ATPAF1: variants seen among roughly 807,000 people sequenced by gnomAD.
ATPAF1 encodes the protein ATP synthase mitochondrial F1 complex assembly factor 1.
Under a neutral mutation model 43.9 loss-of-function variants are expected in ATPAF1, and 26 were observed. The ratio of observed to expected loss-of-function variants is 0.59; its 90% CI spans 0.43 to 0.82. The LOEUF (loss-of-function observed/expected upper bound fraction) is 0.82, where lower values mean the gene tolerates loss of function less well. ATPAF1 is among the 40% of genes least tolerant of loss of function. ATPAF1 has a pLI of 0.00. For synonymous variants in ATPAF1, 157 were observed against 168.0 expected (o/e 0.93, Z 0.50); for missense variants, 366 against 435.0 (o/e 0.84, Z 1.41).
chr1:46,665,920 T>C, intron 1 of ATPAF1: 2 of 1,324,374 alleles, frequency 1.5e-6, no homozygotes, highest in Admixed American at 3.1e-5. Context: ...GAACACATTG[T>C]TTATGTCAAA....
At chr1:46,661,632 A>G (rs147907494) in intron 2 of ATPAF1, among the ~76,000 whole-genome samples, 5 of 152,224 alleles carry the variant, frequency 3.3e-5, no homozygotes, top group Admixed American at 1.3e-4. Flanking sequence ...ATTTTTACAT[A>G]CCTATTGTTT....
In ATPAF1 at chr1:46,637,039, G is replaced by A. The variant is rs548906168; in HGVS notation, c.793-1069C>T. Among the ~76,000 whole-genome samples the A allele has an allele frequency of 3.0e-4, 45 of 152,324 alleles. 1 individual carries two copies. Among genetic ancestry groups the A allele is most frequent in the Admixed American group, 2.8e-3 (43 of 15,294 alleles). The stretch of plus-strand genomic sequence containing the variant: ...TGAGCCAGAACCACTCAGCTAAGCT[G>A]CTACTACAGAAACTGCGAGGTAATA... On this transcript the variant is annotated intron_variant, in intron 8 of 8. Coordinates refer to ENST00000574428, the Ensembl canonical transcript of ATPAF1.
intron 2 of ATPAF1, among the ~76,000 whole-genome samples, chr1:46,664,228 T>A (rs998993275): frequency 1.1e-4 from 17 of 152,248 alleles, no homozygotes; most frequent in African/African-American, 4.1e-4. Flanking sequence ...TATTTAAGGA[T>A]AATAATGGCT....
At chr1:46,636,669 C>T (rs1675846821) in intron 8 of ATPAF1, among the ~76,000 whole-genome samples, 2 of 151,428 alleles carry the variant, frequency 1.3e-5, no homozygotes. Context: ...GTAGTCCCAG[C>T]TACTCAGGAG....
chr1:46,659,830 A>T (rs1045397587), intron 2 of ATPAF1, among the ~76,000 whole-genome samples: 1 of 152,224 alleles, frequency 6.6e-6, no homozygotes, highest in Non-Finnish European at 1.5e-5. Flanking sequence ...AATGATGGTC[A>T]TAGAACCTGT....
intron 8 of ATPAF1, 21 bp downstream of exon 8, chr1:46,643,173 G>T: frequency 6.3e-7 from 1 of 1,588,540 alleles, no homozygotes; most frequent in Admixed American, 1.7e-5. Context: ...AATCCAAAGA[G>T]TTTTGCAAGT....
At chr1:46,660,625 AGAGT>A (rs1387186045) in intron 2 of ATPAF1, among the ~76,000 whole-genome samples, 1 of 152,232 alleles carries the variant, frequency 6.6e-6, no homozygotes, top group African/African-American at 2.4e-5. Context: ...GAGAAAAATA[AGAGT>A]GAGCTTTAGA....
intron 8 of ATPAF1, among the ~76,000 whole-genome samples, chr1:46,638,345 G>T (rs938126965): frequency 2.0e-5 from 3 of 152,186 alleles, no homozygotes; most frequent in Non-Finnish European, 4.4e-5. Context: ...TGGGCCAGGC[G>T]TGGTGGCTCA....
At chr1:46,637,672 CT>C (rs1294483483) in intron 8 of ATPAF1, among the ~76,000 whole-genome samples, 1 of 152,208 alleles carries the variant, frequency 6.6e-6, no homozygotes, top group African/African-American at 2.4e-5. Context: ...TCTATTCCCT[CT>C]GTGGGACTTT....
At chr1:46,662,040 G>A (rs900203800) in intron 2 of ATPAF1, among the ~76,000 whole-genome samples, 8 of 151,832 alleles carry the variant, frequency 5.3e-5, no homozygotes, top group Non-Finnish European at 1.2e-4. Flanking sequence ...GACTACAGGC[G>A]CCTGCCACAA....
chr1:46,658,056 A>C (rs1389715318), intron 4 of ATPAF1, 71 bp downstream of exon 4: 1 of 1,439,390 alleles, frequency 6.9e-7, no homozygotes, highest in Non-Finnish European at 9.7e-7. Context: ...GGTGTCAGAA[A>C]ATGTACTTTC....
upstream of ATPAF1, chr1:46,668,393 C>T: frequency 1.7e-6 from 2 of 1,198,444 alleles, no homozygotes; most frequent in Non-Finnish European, 2.1e-6. The surrounding 1 kb of genome is among the most constrained non-coding windows in gnomAD (Gnocchi z 4.4). Flanking sequence ...CCGCTCCATC[C>T]CGCTCCGAGT....
intron 2 of ATPAF1, among the ~76,000 whole-genome samples, chr1:46,662,986 T>C (rs1196938790): frequency 6.6e-6 from 1 of 151,986 alleles, no homozygotes. Context: ...CCTGTGTCCA[T>C]GTGTTCTCAT....
At chr1:46,658,042 A>T (rs1334150049) in intron 4 of ATPAF1, 85 bp downstream of exon 4, 6 of 1,281,948 alleles carry the variant, frequency 4.7e-6, no homozygotes, top group Non-Finnish European at 6.7e-6. Context: ...TGTGGCTAGA[A>T]AGAGGTGTCA....
chr1:46,638,616 G>A (rs1345804768), intron 8 of ATPAF1, among the ~76,000 whole-genome samples: 2 of 86,076 alleles, frequency 2.3e-5, no homozygotes, highest in South Asian at 4.4e-4. Context: ...GAGCAAGACT[G>A]TCTCCAAAAA....
At chr1:46,661,307 C>T (rs1676382911) in intron 2 of ATPAF1, among the ~76,000 whole-genome samples, 1 of 152,130 alleles carries the variant, frequency 6.6e-6, no homozygotes, top group African/African-American at 2.4e-5. Context: ...GAACTCCTGA[C>T]CTCAAGTGAT....
chr1:46,668,057 C>G lies in ATPAF1; in HGVS notation c.266G>C (p.Arg89Thr). Residue 89 changes from arginine (R) to threonine (T), a missense_variant and splice_region_variant, in exon 1 of 9, where the codon AGG (arginine) becomes ACG (threonine). This residue lies in a region of ATPAF1 where 186 missense variants were observed against 168.5 expected (regional missense o/e 1.10). Transcript: ENST00000574428. This position sits in a 1 kb window ranked among gnomAD's most constrained non-coding sequence, Gnocchi z 4.4. ...GCCTCCAGCCAACCCAGGCCCGCACCTGCGCAGCAGCTGGATCTTGTCGCG... is the reference window on the plus strand; with the variant it reads ...GCCTCCAGCCAACCCAGGCCCGCACGTGCGCAGCAGCTGGATCTTGTCGCG... The G allele has an allele frequency of 7.1e-7, 1 of 1,413,850 alleles. No homozygotes were observed. The highest frequency in any genetic ancestry group is 1.5e-5 in the South Asian group (1 of 64,696). 87.6% of individuals were successfully genotyped at this position (1,413,850 alleles called of 1,614,324 possible).
chr1:46,649,105 T>C (rs948960603), intron 6 of ATPAF1, among the ~76,000 whole-genome samples: 1 of 143,516 alleles, frequency 7.0e-6, no homozygotes, highest in Non-Finnish European at 1.5e-5. Flanking sequence ...GAGGTTGCAG[T>C]GAGCTGAGAT....
intron 1 of ATPAF1, among the ~76,000 whole-genome samples, 198 bp downstream of exon 1, chr1:46,667,859 T>C (rs527818220): frequency 6.6e-6 from 1 of 152,290 alleles, no homozygotes; most frequent in African/African-American, 2.4e-5. Context: ...GAGCCAGGGC[T>C]TTGCAGAGAC....
Sources: gnomAD v4.1 joint callset for allele counts (sites outside exome capture counted in the v4.1 genomes callset) on GRCh38, gnomAD v4.1.1 for gene constraint, gnomAD v4.1.1 regional missense constraint, Gnocchi (gnomAD v3.1) non-coding constraint, MANE v1.5 for transcripts, NCBI Gene and HGNC (gene_info 2026-07-23, HGNC 2026-07-21) for gene names.